Variants in WDR41 observed in about 807,000 individuals in gnomAD.
WDR41 encodes the protein WD repeat-containing protein 41.
In WDR41, 63 loss-of-function variants were observed where a neutral mutation model predicts 69.3. The observed-to-expected ratio is 0.91, with a 90% CI of 0.74 to 1.12. The LOEUF (loss-of-function observed/expected upper bound fraction) is 1.12, where lower values mean the gene tolerates loss of function less well. Among genes scored for constraint, WDR41 ranks in the 50% most tolerant of loss-of-function variants. WDR41 has a pLI of 0.00. For missense variants in WDR41, 543 were observed against 534.5 expected (o/e 1.02, Z -0.16); for synonymous variants, 185 against 192.1 (o/e 0.96, Z 0.31).
chr5:77,462,219 G>C (rs947169721), intron 4 of WDR41, among the ~76,000 whole-genome samples: 2 of 152,058 alleles, frequency 1.3e-5, no homozygotes, highest in African/African-American at 4.8e-5. Flanking sequence ...AGACCAGCCT[G>C]ACCAACAGAG....
intron 1 of WDR41, among the ~76,000 whole-genome samples, chr5:77,527,915 TA>T (rs1802472610): frequency 6.6e-6 from 1 of 151,792 alleles, no homozygotes; most frequent in South Asian, 2.1e-4. Flanking sequence ...AGGCGTAGTT[TA>T]AAGGAATACT....
intron 1 of WDR41, among the ~76,000 whole-genome samples, chr5:77,587,960 T>C (rs1447820988): frequency 2.0e-5 from 3 of 152,154 alleles, no homozygotes; most frequent in South Asian, 4.1e-4. Flanking sequence ...ACTTTTGGCC[T>C]CTAGAACTGT....
intron 2 of WDR41, among the ~76,000 whole-genome samples, chr5:77,481,387 A>G (rs1010427715): frequency 2.0e-4 from 30 of 152,248 alleles, no homozygotes; most frequent in African/African-American, 6.5e-4. Context: ...GTAAGCCTGT[A>G]TCTGAATGGG....
At chr5:77,454,506 T>C (rs1235775794) in intron 5 of WDR41, among the ~76,000 whole-genome samples, 3 of 152,258 alleles carry the variant, frequency 2.0e-5, no homozygotes, top group Non-Finnish European at 4.4e-5. Flanking sequence ...TAAACCCCTT[T>C]TTAAATCAAA....
At chr5:77,479,874 G>C (rs1275905040) in intron 2 of WDR41, among the ~76,000 whole-genome samples, 1 of 151,588 alleles carries the variant, frequency 6.6e-6, no homozygotes, top group Non-Finnish European at 1.5e-5. Context: ...ACTACCATCA[G>C]AGTGAACAGG....
At chr5:77,443,114 T>C (rs909849426) in intron 8 of WDR41, among the ~76,000 whole-genome samples, 12 of 152,024 alleles carry the variant, frequency 7.9e-5, no homozygotes, top group East Asian at 3.9e-4. Context: ...AGGTGGTCTT[T>C]AGGAAGTAGT....
At chr5:77,496,710 C>T (rs1361802255), upstream of WDR41, among the ~76,000 whole-genome samples, 2 of 152,156 alleles carry the variant, frequency 1.3e-5, no homozygotes, top group East Asian at 1.9e-4. Flanking sequence ...AGATTCAATG[C>T]AATCTCTATC....
At chr5:77,587,154 T>G (rs1487108367) in intron 1 of WDR41, among the ~76,000 whole-genome samples, 1 of 151,430 alleles carries the variant, frequency 6.6e-6, no homozygotes, top group Non-Finnish European at 1.5e-5. Context: ...CTATTCTAAA[T>G]TTTGTTACCT....
intron 5 of WDR41, among the ~76,000 whole-genome samples, chr5:77,458,636 T>C (rs1490500639): frequency 6.6e-6 from 1 of 152,116 alleles, no homozygotes; most frequent in East Asian, 1.9e-4. Context: ...CCAGGTAAGA[T>C]TTTTAGTTTT....
chr5:77,522,982 G>A (rs1460193022), intron 1 of WDR41, among the ~76,000 whole-genome samples: 2 of 152,106 alleles, frequency 1.3e-5, no homozygotes, highest in Admixed American at 6.6e-5. Flanking sequence ...CAAAGAAAAG[G>A]AAAATTTGAA....
intron 2 of WDR41, among the ~76,000 whole-genome samples, chr5:77,487,230 C>T (rs1336228345): frequency 3.9e-5 from 6 of 152,154 alleles, no homozygotes; most frequent in Non-Finnish European, 8.8e-5. Flanking sequence ...CTTTAGGATT[C>T]CTTAACACCC....
At chr5:77,559,628 TATATATA>T (rs945686988) in intron 1 of WDR41, among the ~76,000 whole-genome samples, 1 of 151,058 alleles carries the variant, frequency 6.6e-6, no homozygotes, top group Non-Finnish European at 1.5e-5. Context: ...ATGTCAGCAT[TATATATA>T]ATATATATTT....
intron 1 of WDR41, among the ~76,000 whole-genome samples, chr5:77,594,166 C>CA (rs1415568612): frequency 6.8e-6 from 1 of 146,154 alleles, no homozygotes; most frequent in Non-Finnish European, 1.5e-5. Flanking sequence ...ATCGCAAGGA[C>CA]AAAAAACCAA....
intron 1 of WDR41, among the ~76,000 whole-genome samples, chr5:77,602,639 T>C (rs1744345925): frequency 6.6e-6 from 1 of 152,224 alleles, no homozygotes; most frequent in African/African-American, 2.4e-5. Context: ...ACATTTTCTT[T>C]GTCTGTTCAT....
upstream of WDR41, among the ~76,000 whole-genome samples, chr5:77,495,031 C>A (rs1801916652): frequency 6.6e-6 from 1 of 151,988 alleles, no homozygotes; most frequent in African/African-American, 2.4e-5. Context: ...GCAAAACACT[C>A]AAACAACCAA....
intron 1 of WDR41, among the ~76,000 whole-genome samples, chr5:77,560,368 T>C (rs1038402111): frequency 6.6e-6 from 1 of 152,208 alleles, no homozygotes; most frequent in African/African-American, 2.4e-5. Flanking sequence ...GTTAGGCTAC[T>C]GTAGCTAAAT....
intron 1 of WDR41, among the ~76,000 whole-genome samples, chr5:77,512,777 G>A (rs935986619): frequency 9.6e-5 from 14 of 146,528 alleles, no homozygotes; most frequent in South Asian, 6.4e-4. Context: ...TTGGTCAGGC[G>A]GGACCTCAAC....
In WDR41 at chr5:77,433,055, T is replaced by A; in HGVS notation, c.*80A>T. 7.1e-7 allele frequency: 1 copy of A among 1,404,008 alleles called. No individual in the cohort carries two copies. The highest frequency in any genetic ancestry group is 9.4e-7 in the Non-Finnish European group (1 of 1,060,218). The allele number at this position is 1,404,008 out of a possible 1,614,324, so 87.0% of individuals were successfully genotyped here. On this transcript the variant is annotated 3_prime_UTR_variant, in exon 13 of 13. Coordinates refer to ENST00000296679, the MANE Select transcript of WDR41 (RefSeq NM_018268.4). The stretch of plus-strand genomic sequence containing the variant: ...CAAAAAAAATTACCAATTTAAGTGA[T>A]CAATATATTAATGGTTTTCAGAGTA...
intron 1 of WDR41, among the ~76,000 whole-genome samples, chr5:77,562,810 A>G (rs1580011350): frequency 6.6e-6 from 1 of 152,202 alleles, no homozygotes; most frequent in Admixed American, 6.5e-5. Context: ...AGAGGCTAGT[A>G]AACATATTAT....
Sources: allele counts gnomAD v4.1 joint callset (sites outside exome capture counted in the v4.1 genomes callset), GRCh38; gene constraint gnomAD v4.1.1; transcripts MANE v1.5; gene names NCBI Gene and HGNC (gene_info 2026-07-23, HGNC 2026-07-21).